The following ARHGAP28 variants were observed in gnomAD, a reference collection of about 807,000 sequenced individuals.
The protein encoded by ARHGAP28 is rho GTPase-activating protein 28.
Under a neutral mutation model 90.7 loss-of-function variants are expected in ARHGAP28, and 56 were observed. The ratio of observed to expected loss-of-function variants is 0.62; its 90% confidence interval spans 0.50 to 0.77. The LOEUF (loss-of-function observed/expected upper bound fraction) is 0.77, where lower values mean the gene tolerates loss of function less well. Among genes scored for constraint, ARHGAP28 ranks in the 30% least tolerant of loss-of-function variants. The pLI is 0.00. For missense variants in ARHGAP28, 869 were observed against 900.9 expected, an observed-to-expected ratio of 0.96 and a Z score of 0.45; for synonymous variants, 308 against 323.3, an observed-to-expected ratio of 0.95 and a Z score of 0.51.
chr18:6,890,364 G>A, intron 13 of ARHGAP28, 66 bp from the exon 14 acceptor site: 1 of 1,055,778 alleles, frequency 9.5e-7, no homozygotes, highest in Non-Finnish European at 1.4e-6. Context: ...CATGCCTGAA[G>A]ACAATCTGCT....
At chr18:6,801,207 G>T (rs1284778557) in intron 1 of ARHGAP28, among the ~76,000 whole-genome samples, 3 of 152,062 alleles carry the variant, frequency 2.0e-5, no homozygotes, top group Admixed American at 6.6e-5. Context: ...TGGATGGAAG[G>T]CCTTTAAATT....
At chr18:6,898,496 A>T in intron 16 of ARHGAP28, 1 of 1,614,118 alleles carries the variant, frequency 6.2e-7, no homozygotes, top group South Asian at 1.1e-5. Context: ...TTAAAAAAGA[A>T]AGAGAAGAGT....
intron 1 of ARHGAP28, among the ~76,000 whole-genome samples, chr18:6,766,968 A>G (rs2056204703): frequency 6.6e-6 from 1 of 152,090 alleles, no homozygotes; most frequent in Non-Finnish European, 1.5e-5. Flanking sequence ...AAGACAGCAT[A>G]TATGCTTGGG....
chr18:6,817,486 T>C lies in ARHGAP28; in HGVS notation c.123-7276T>C, dbSNP rs1002613678. Among the ~76,000 whole-genome samples, 20 of 152,304 alleles carry C rather than the reference T, an allele frequency of 1.3e-4. 2 individuals carry two copies. Among genetic ancestry groups the C allele is most frequent in the Middle Eastern group, 6.8e-3 (2 of 294 alleles). On this transcript the variant is annotated intron_variant, in intron 1 of 17. Transcript: ENST00000383472. ...ATCTCACTCTGCCCCAAATGACTTA[T>C]TAGAACATTCCTTCCCATTATCAGT...
chr18:6,883,897 G>A (rs575404888), intron 11 of ARHGAP28, among the ~76,000 whole-genome samples: 2 of 152,218 alleles, frequency 1.3e-5, no homozygotes, highest in South Asian at 4.1e-4. Flanking sequence ...CTGAAAAAGA[G>A]AGAAGAGCTA....
intron 2 of ARHGAP28, among the ~76,000 whole-genome samples, chr18:6,825,335 A>C (rs767006561): frequency 2.0e-5 from 3 of 152,214 alleles, no homozygotes; most frequent in Non-Finnish European, 4.4e-5. Flanking sequence ...AATTAGAGTA[A>C]TTAATACTTG....
At position 6,913,072 on chromosome 18, in the gene ARHGAP28, T is replaced by A. The variant is rs191474355; in HGVS notation, c.*918T>A. On this transcript the variant is annotated 3_prime_UTR_variant, in exon 18 of 18. Coordinates refer to ENST00000383472, the MANE Select transcript of ARHGAP28 (RefSeq NM_001366230.1). ...CAGTCCCAATTTAAAAATGCAGAAC[T>A]GCTTTATCCAAGAATGCTGAAAAAT... is the stretch of plus-strand genomic sequence containing the variant. 3 of 152,362 alleles carry A rather than the reference T, an allele frequency of 2.0e-5. No homozygotes were observed. The highest frequency in any genetic ancestry group is 2.0e-4 in the Admixed American group (3 of 15,312). 9.4% of individuals were successfully genotyped at this position (152,362 alleles called of 1,614,324 possible).
intron 1 of ARHGAP28, among the ~76,000 whole-genome samples, chr18:6,751,975 A>T (rs2056073143): frequency 6.6e-6 from 1 of 152,206 alleles, no homozygotes; most frequent in South Asian, 2.1e-4. Context: ...AAAAAAAAAA[A>T]TTCCAGGCAT....
chr18:6,864,707 G>A, intron 5 of ARHGAP28, among the ~76,000 whole-genome samples: 1 of 151,888 alleles, frequency 6.6e-6, no homozygotes, highest in Non-Finnish European at 1.5e-5. Context: ...ATTTTTGAGA[G>A]AAAGTCTTGC....
chr18:6,859,925 A>T, intron 5 of ARHGAP28, 28 bp downstream of exon 5: 1 of 1,595,150 alleles, frequency 6.3e-7, no homozygotes, highest in Non-Finnish European at 8.6e-7. Flanking sequence ...GCACAGTTAC[A>T]TGTCAAGGTA....
chr18:6,743,956 C>T (rs1031104939), intron 1 of ARHGAP28, among the ~76,000 whole-genome samples: 3 of 152,042 alleles, frequency 2.0e-5, no homozygotes, highest in Non-Finnish European at 4.4e-5. Flanking sequence ...GAAACTGTCT[C>T]TTATCTCTGT....
At position 6,807,824 on chromosome 18, in the gene ARHGAP28, C is replaced by T. The variant is rs561103677; in HGVS notation, c.123-16938C>T. Among the ~76,000 whole-genome samples, 117 of 152,270 alleles carry T rather than the reference C, an allele frequency of 7.7e-4. 1 individual carries two copies. The highest frequency in any genetic ancestry group is 2.6e-3 in the African/African-American group (108 of 41,556). ...CACCAGTATCCTGTTATGTGAGCTC[C>T]AGGGCTTCCTTGATTCCCAGCTCCA... On this transcript the variant is annotated intron_variant, in intron 1 of 17. Transcript: ENST00000383472.
rs1046659482 is a variant in ARHGAP28 at position 6,914,738 on chromosome 18, G to T, written c.*2584G>T. The T allele has an allele frequency of 2.0e-5, 3 of 151,956 alleles. No homozygotes were observed. The highest frequency in any genetic ancestry group is 7.3e-5 in the African/African-American group (3 of 41,354). The allele number at this position is 151,956 out of a possible 1,614,324, so 9.4% of individuals were successfully genotyped here. ...TCCTAGTGCTCTTGGTATACACTTG[G>T]GAAAATAATGTCCTCCAGGAGAAAG... On this transcript the variant is annotated 3_prime_UTR_variant, in exon 18 of 18. Transcript: ENST00000383472.
At chr18:6,889,356 C>T (rs1320890211) in intron 12 of ARHGAP28, among the ~76,000 whole-genome samples, 1 of 152,056 alleles carries the variant, frequency 6.6e-6, no homozygotes, top group African/African-American at 2.4e-5. Context: ...AGAAAAATAG[C>T]ACCCAAAAAT....
At chr18:6,820,575 A>G (rs548636098) in intron 1 of ARHGAP28, among the ~76,000 whole-genome samples, 59 of 152,318 alleles carry the variant, frequency 3.9e-4, no homozygotes, top group Non-Finnish European at 6.8e-4. Context: ...GTAAACCTCA[A>G]TCAGAATTGA....
chr18:6,886,889 G>A (rs1567982925), intron 11 of ARHGAP28, among the ~76,000 whole-genome samples: 1 of 152,186 alleles, frequency 6.6e-6, no homozygotes, highest in Non-Finnish European at 1.5e-5. Context: ...AAAGTACTTT[G>A]AAAGGGAAGT....
At position 6,851,098 on chromosome 18, in the gene ARHGAP28, C is replaced by A. The variant is rs1567970124; in HGVS notation, c.608C>A (p.Pro203Gln). The change falls in exon 4 of 18, where the codon CCA (proline) becomes CAA (glutamine). Residue 203 changes from proline (P) to glutamine (Q), a missense_variant. Physicochemically the swap from Pro to Gln is moderately conservative, Grantham distance 76 (BLOSUM62 -1). Transcript: ENST00000383472. Reference protein sequence around the residue: ...LDGTKEERELPRVIKTSGSMP... With the variant: ...LDGTKEERELQRVIKTSGSMP... The stretch of plus-strand genomic sequence containing the variant: ...GGCACCAAGGAAGAAAGAGAGCTTC[C>A]AAGAGTTATCAAGACAAGTGGTTCC... 6.2e-7 allele frequency: 1 copy of A among 1,613,988 alleles called. No homozygotes were observed. The highest frequency in any genetic ancestry group is 8.5e-7 in the Non-Finnish European group (1 of 1,179,982).
intron 2 of ARHGAP28, among the ~76,000 whole-genome samples, chr18:6,835,743 A>G (rs1013018468): frequency 2.0e-5 from 3 of 152,014 alleles, no homozygotes; most frequent in Non-Finnish European, 4.4e-5. Context: ...AGGTTTTTGA[A>G]TTTTCTTCTG....
At position 6,884,221 on chromosome 18, in the gene ARHGAP28, A is replaced by C. The variant is rs548389910; in HGVS notation, c.1453+1922A>C. On this transcript the variant is annotated intron_variant, in intron 11 of 17. Coordinates refer to ENST00000383472, the MANE Select transcript of ARHGAP28 (RefSeq NM_001366230.1). ...AACCCCGTCTCTACTAAAAATACAA[A>C]AAATTGGCCAGGCGTGGTGGCGGGC... Among the ~76,000 whole-genome samples, 98 of 152,116 alleles carry C rather than the reference A, an allele frequency of 6.4e-4. 1 individual carries two copies. The Middle Eastern group carries it at 0.017, about 26-fold the overall frequency.
Sources: gnomAD v4.1 joint callset for allele counts (sites outside exome capture counted in the v4.1 genomes callset) on GRCh38, gnomAD v4.1.1 for gene constraint, MANE v1.5 for transcripts, NCBI Gene and HGNC (gene_info 2026-07-23, HGNC 2026-07-21) for gene names.